Variants in SLC6A9 observed in about 807,000 individuals in gnomAD.
SLC6A9 encodes solute carrier family 6 member 9.
In SLC6A9, 31 loss-of-function variants were observed where a neutral mutation model predicts 70.9. The ratio of observed to expected loss-of-function variants is 0.44; its 90% CI spans 0.33 to 0.59. SLC6A9 has a LOEUF of 0.59. SLC6A9 is among the 20% of genes least tolerant of loss of function. The pLI, the probability that SLC6A9 is intolerant of heterozygous loss-of-function variation, is 0.04. For missense variants in SLC6A9, 631 were observed against 845.2 expected (o/e 0.75, Z 3.14); for synonymous variants, 310 against 341.3 (o/e 0.91, Z 1.01).
At chr1:44,019,182 C>T (rs897079462) in intron 2 of SLC6A9, among the ~76,000 whole-genome samples, 10 of 152,226 alleles carry the variant, frequency 6.6e-5, no homozygotes, top group Non-Finnish European at 1.5e-4. Context: ...GGGCCAGGCA[C>T]TGTCCTGGCT....
At chr1:44,006,254 C>G (rs2086306376) in intron 5 of SLC6A9, among the ~76,000 whole-genome samples, 1 of 152,160 alleles carries the variant, frequency 6.6e-6, no homozygotes, top group African/African-American at 2.4e-5. Context: ...CCTCCCTGCC[C>G]TCTCTCCCCT....
intron 1 of SLC6A9, among the ~76,000 whole-genome samples, chr1:44,030,922 C>T (rs2087101644): frequency 6.6e-6 from 1 of 152,138 alleles, no homozygotes; most frequent in Non-Finnish European, 1.5e-5. Flanking sequence ...ACGGACAGTG[C>T]CACGCTCTGG....
chr1:44,028,447 G>A (rs1241519806), intron 1 of SLC6A9, among the ~76,000 whole-genome samples: 3 of 152,206 alleles, frequency 2.0e-5, no homozygotes, highest in Non-Finnish European at 2.9e-5. Flanking sequence ...TTGAAGAGAG[G>A]AAGTCAATTA....
chr1:44,000,300 G>A (rs1448656510), intron 12 of SLC6A9, among the ~76,000 whole-genome samples: 1 of 152,248 alleles, frequency 6.6e-6, no homozygotes, highest in African/African-American at 2.4e-5. Flanking sequence ...CTCACTGCCT[G>A]GAAGGCTTGC....
chr1:44,011,640 A>G, intron 2 of SLC6A9: 1 of 1,614,008 alleles, frequency 6.2e-7, no homozygotes, highest in Non-Finnish European at 8.5e-7. Context: ...GACTTTGAGG[A>G]CAGACTCTGC....
chr1:44,010,466 G>C lies in SLC6A9; in HGVS notation c.187+260C>G, dbSNP rs960626512. Reference sequence around the variant, plus strand: ...AGGGAGCCTTGTGGGCGGGGGGGGGGGGGGGTTAGGTCCTTTTCTCACCTC... The same window carrying C: ...AGGGAGCCTTGTGGGCGGGGGGGGGCGGGGGTTAGGTCCTTTTCTCACCTC... On this transcript the variant is annotated intron_variant, in intron 3 of 13. Transcript: ENST00000372310. 51 of 236,114 alleles carry C rather than the reference G, an allele frequency of 2.2e-4. 9 individuals carry two copies. Among genetic ancestry groups the C allele is most frequent in the Non-Finnish European group, 3.5e-4 (42 of 120,234 alleles). The allele number at this position is 236,114 out of a possible 1,614,324, so 14.6% of individuals were successfully genotyped here.
chr1:44,002,252 T>G lies in SLC6A9; in HGVS notation c.962+61A>C. On this transcript the variant is annotated intron_variant, in intron 8 of 13. Coordinates refer to ENST00000372310, the MANE Select transcript of SLC6A9 (RefSeq NM_001024845.3). This position sits in a 1 kb window ranked among gnomAD's most constrained non-coding sequence, Gnocchi z 5.5. Reference sequence around the variant, plus strand: ...CGTGGGCCCATGGCTGCACTGGAGCTGAGATCAGGCTGCAGAGAGTGCAGG... The same window carrying G: ...CGTGGGCCCATGGCTGCACTGGAGCGGAGATCAGGCTGCAGAGAGTGCAGG... 7 of 1,215,786 alleles carry G rather than the reference T, an allele frequency of 5.8e-6. No homozygotes were observed. Among genetic ancestry groups the G allele is most frequent in the Non-Finnish European group, 8.6e-6 (7 of 817,394 alleles). 75.3% of individuals were successfully genotyped at this position (1,215,786 alleles called of 1,614,324 possible). A position where few individuals can be genotyped will look rare whatever the true frequency, so the allele number is the denominator to read the frequency against.
At chr1:44,021,484 G>A (rs1315732641) in intron 2 of SLC6A9, among the ~76,000 whole-genome samples, 1 of 152,228 alleles carries the variant, frequency 6.6e-6, no homozygotes, top group Non-Finnish European at 1.5e-5. Flanking sequence ...AACACAGGGT[G>A]TCTGCCGACA....
At chr1:44,025,094 G>A (rs184953127) in intron 1 of SLC6A9, among the ~76,000 whole-genome samples, 7 of 152,260 alleles carry the variant, frequency 4.6e-5, no homozygotes, top group Admixed American at 1.3e-4. Flanking sequence ...TTATAAGTTC[G>A]TCAACTATGA....
intron 5 of SLC6A9, 34 bp downstream of exon 5, chr1:44,008,319 G>C (rs367955419): frequency 6.2e-7 from 1 of 1,608,712 alleles, no homozygotes; most frequent in African/African-American, 1.3e-5. Flanking sequence ...TTGCCACCAG[G>C]TTCCCCCCAC....
At position 43,997,208 on chromosome 1, in the gene SLC6A9, G is replaced by C. The variant is rs191572789; in HGVS notation, c.*337C>G. ...AGTCATGGGGCTGGAGGCCCACCCA[G>C]AACCTCAGCTCAGGGCAGGGTATAA... On this transcript the variant is annotated 3_prime_UTR_variant, in exon 14 of 14. Coordinates refer to ENST00000372310, the MANE Select transcript of SLC6A9 (RefSeq NM_001024845.3). The surrounding 1 kb of genome is among the most constrained non-coding windows in gnomAD (Gnocchi z 4.4). 2.5e-5 allele frequency: 7 copies of C among 285,312 alleles called. No homozygotes were observed. The East Asian group carries it at 3.3e-4, about 13-fold the overall frequency. The allele number at this position is 285,312 out of a possible 1,614,324, so 17.7% of individuals were successfully genotyped here.
intron 2 of SLC6A9, among the ~76,000 whole-genome samples, chr1:44,020,402 G>C (rs770653837): frequency 6.6e-6 from 1 of 152,252 alleles, no homozygotes; most frequent in South Asian, 2.1e-4. Flanking sequence ...CGGGTATGTC[G>C]AATTCTGTGC....
At chr1:44,006,417 GTC>G (rs2154305219) in intron 5 of SLC6A9, among the ~76,000 whole-genome samples, 1 of 151,930 alleles carries the variant, frequency 6.6e-6, no homozygotes, top group South Asian at 2.1e-4. Context: ...TTGAAACCCT[GTC>G]TCTACTAAAA....
At chr1:44,004,685 T>C (rs2086249316) in intron 5 of SLC6A9, among the ~76,000 whole-genome samples, 1 of 152,232 alleles carries the variant, frequency 6.6e-6, no homozygotes. Context: ...GTTACAGTGT[T>C]AGGGACTGAA....
rs140141868 is a variant in SLC6A9 at position 44,006,171 on chromosome 1, G to A, written c.590+2182C>T. Among the ~76,000 whole-genome samples the A allele has an allele frequency of 7.4e-3, 1,131 of 152,286 alleles. 13 individuals are homozygous for A. Among genetic ancestry groups the A allele is most frequent in the African/African-American group, 0.026 (1,085 of 41,554 alleles). On this transcript the variant is annotated intron_variant, in intron 5 of 13. Transcript: ENST00000372310. ...GACCAGTCCACATCATGCCTCAAAT[G>A]TAATAAAACGCCTCACTCAGCAATA...
chr1:44,003,091 C>T (rs976641432), intron 5 of SLC6A9, 106 bp from the exon 6 acceptor site: 15 of 1,309,620 alleles, frequency 1.1e-5, no homozygotes, highest in Non-Finnish European at 1.5e-5. Flanking sequence ...TCATGAGGTC[C>T]CAGCAGCCAC....
In SLC6A9 at chr1:44,010,969, G is replaced by T. The variant is rs2086544808; in HGVS notation, c.31-87C>A. The T allele has an allele frequency of 2.4e-5, 35 of 1,442,208 alleles. No individual in the cohort carries two copies. In the South Asian group the frequency reaches 4.1e-4, roughly 17 times the overall value. The allele number at this position is 1,442,208 out of a possible 1,614,324, so 89.3% of individuals were successfully genotyped here. ...GGGCCTCCCCCAGCAGGGAAACCGTGGCCCCTCCAACACCCCTCCCCGGGC... is the reference window on the plus strand; with the variant it reads ...GGGCCTCCCCCAGCAGGGAAACCGTTGCCCCTCCAACACCCCTCCCCGGGC... On this transcript the variant is annotated intron_variant, in intron 2 of 13. Transcript: ENST00000372310.
intron 2 of SLC6A9, among the ~76,000 whole-genome samples, chr1:44,020,710 A>C (rs763092033): frequency 2.0e-5 from 3 of 152,134 alleles, no homozygotes; most frequent in Non-Finnish European, 4.4e-5. Flanking sequence ...ACATGCCAAC[A>C]CTTGGGCTGG....
intron 2 of SLC6A9, among the ~76,000 whole-genome samples, chr1:44,020,486 G>T (rs995885800): frequency 6.6e-6 from 1 of 152,238 alleles, no homozygotes; most frequent in Non-Finnish European, 1.5e-5. Context: ...TGTGCTAGAT[G>T]AATGCCTACA....
Sources: allele counts gnomAD v4.1 joint callset (sites outside exome capture counted in the v4.1 genomes callset), GRCh38; gene constraint gnomAD v4.1.1; non-coding constraint Gnocchi (gnomAD v3.1); transcripts MANE v1.5; gene names NCBI Gene and HGNC (gene_info 2026-07-23, HGNC 2026-07-21).